Variants in FHIT observed in about 807,000 individuals in gnomAD.
The protein encoded by FHIT is fragile histidine triad diadenosine triphosphatase.
FHIT carries 19 observed loss-of-function variants against 17.9 expected under a neutral mutation model. That is an observed-to-expected ratio of 1.06 (90% confidence interval 0.74 to 1.56). FHIT has a LOEUF of 1.56. Ranked by LOEUF, FHIT falls within the 40% of genes most tolerant of loss-of-function variation. FHIT has a pLI of 0.00. For missense variants in FHIT, 248 were observed against 189.2 expected (o/e 1.31, Z -1.82); for synonymous variants, 81 against 69.7 (o/e 1.16, Z -0.81).
chr3:60,376,747 T>C (rs1700577161), intron 5 of FHIT, among the ~76,000 whole-genome samples: 1 of 152,220 alleles, frequency 6.6e-6, no homozygotes, highest in Non-Finnish European at 1.5e-5. Flanking sequence ...TATTACCTTT[T>C]CCAGGGACAA....
chr3:60,866,620 T>C (rs797025087), intron 3 of FHIT, among the ~76,000 whole-genome samples: 12 of 152,316 alleles, frequency 7.9e-5, no homozygotes, highest in African/African-American at 2.6e-4. Flanking sequence ...TAACATGAGA[T>C]AGTAAATGTT....
chr3:61,054,765 T>G (rs1173705105), intron 2 of FHIT, among the ~76,000 whole-genome samples: 1 of 152,178 alleles, frequency 6.6e-6, no homozygotes, highest in East Asian at 1.9e-4. Flanking sequence ...CTCTTCCATG[T>G]ACCTAAGAAT....
intron 2 of FHIT, among the ~76,000 whole-genome samples, chr3:61,174,976 A>C (rs1395563418): frequency 6.6e-6 from 1 of 152,014 alleles, no homozygotes; most frequent in East Asian, 1.9e-4. Flanking sequence ...CACAAAGCAC[A>C]TCTTCCTATG....
At chr3:61,079,950 G>A (rs11711708) in intron 2 of FHIT, among the ~76,000 whole-genome samples, 52,914 of 151,934 alleles carry the variant, frequency 0.35, 11,625 homozygotes, top group Non-Finnish European at 0.49. Flanking sequence ...AATGGAACAT[G>A]TCCTATATAT....
intron 5 of FHIT, among the ~76,000 whole-genome samples, chr3:60,447,637 G>T (rs1253777800): frequency 1.3e-5 from 2 of 152,104 alleles, no homozygotes; most frequent in Non-Finnish European, 2.9e-5. Flanking sequence ...ACACTAGGCA[G>T]AGGAATAGTT....
At chr3:60,533,046 T>A (rs577223424) in intron 5 of FHIT, among the ~76,000 whole-genome samples, 4 of 152,298 alleles carry the variant, frequency 2.6e-5, no homozygotes, top group African/African-American at 9.6e-5. Context: ...CACAGATTGG[T>A]CCATTCACAA....
intron 5 of FHIT, among the ~76,000 whole-genome samples, chr3:60,172,938 G>A (rs1701484812): frequency 6.6e-6 from 1 of 152,136 alleles, no homozygotes; most frequent in South Asian, 2.1e-4. Flanking sequence ...TATTCTGCTT[G>A]CTTCACCTAC....
At chr3:60,069,060 T>A (rs933529690) in intron 5 of FHIT, among the ~76,000 whole-genome samples, 3 of 152,036 alleles carry the variant, frequency 2.0e-5, no homozygotes, top group Non-Finnish European at 2.9e-5. Context: ...CAAAACATAC[T>A]CTGAAAGACA....
At chr3:60,026,544 T>C (rs933196730) in intron 5 of FHIT, among the ~76,000 whole-genome samples, 2 of 152,188 alleles carry the variant, frequency 1.3e-5, no homozygotes, top group African/African-American at 4.8e-5. Flanking sequence ...TTCCCCCTCA[T>C]AATGTAAGCA....
chr3:60,257,015 C>A (rs1706032985), intron 5 of FHIT, among the ~76,000 whole-genome samples: 1 of 152,144 alleles, frequency 6.6e-6, no homozygotes, highest in South Asian at 2.1e-4. Context: ...CTGTTTGATA[C>A]AGGTTTACTT....
At chr3:59,951,451 TA>T (rs1707112702) in intron 7 of FHIT, among the ~76,000 whole-genome samples, 1 of 152,208 alleles carries the variant, frequency 6.6e-6, no homozygotes, top group African/African-American at 2.4e-5. Flanking sequence ...GGTATAAAAC[TA>T]TCTTCTAGCA....
chr3:60,061,368 A>T (rs534241092), intron 5 of FHIT, among the ~76,000 whole-genome samples: 1 of 152,302 alleles, frequency 6.6e-6, no homozygotes, highest in Admixed American at 6.5e-5. Context: ...CAGAAGCCCT[A>T]CAGTTTCCTC....
intron 7 of FHIT, among the ~76,000 whole-genome samples, chr3:59,976,204 A>G (rs944729030): frequency 6.6e-6 from 1 of 152,126 alleles, no homozygotes; most frequent in Non-Finnish European, 1.5e-5. Context: ...TCACATAAAC[A>G]GAAGTAGCAT....
chr3:60,311,404 C>G (rs1194821700), intron 5 of FHIT, among the ~76,000 whole-genome samples: 2 of 152,118 alleles, frequency 1.3e-5, no homozygotes, highest in African/African-American at 2.4e-5. Context: ...TCAGGAGACA[C>G]ACACATATCT....
intron 3 of FHIT, among the ~76,000 whole-genome samples, chr3:60,980,116 C>T (rs1302015505): frequency 3.3e-5 from 5 of 152,202 alleles, no homozygotes; most frequent in African/African-American, 9.6e-5. Flanking sequence ...CTTATCCCTA[C>T]TTTCCACATT....
At chr3:60,840,938 A>G (rs1553744928) in intron 3 of FHIT, among the ~76,000 whole-genome samples, 1 of 152,220 alleles carries the variant, frequency 6.6e-6, no homozygotes, top group Non-Finnish European at 1.5e-5. Flanking sequence ...AGTTAGTATC[A>G]TCTTATCATG....
chr3:61,147,837 A>G (rs1381598932), intron 2 of FHIT, among the ~76,000 whole-genome samples: 1 of 152,016 alleles, frequency 6.6e-6, no homozygotes, highest in African/African-American at 2.4e-5. Context: ...ACCCTTGGAA[A>G]AAACTACAAA....
At chr3:60,927,729 G>GAGGAGTGTCTCTGCCT (rs1707715174) in intron 3 of FHIT, among the ~76,000 whole-genome samples, 3 of 151,802 alleles carry the variant, frequency 2.0e-5, no homozygotes, top group Non-Finnish European at 4.4e-5. Flanking sequence ...TCTGTGAGGT[G>GAGGAGTGTCTCTGCCT]GGCGTGCCCC....
At chr3:61,245,762 T>C (rs2040474346) in intron 1 of FHIT, among the ~76,000 whole-genome samples, 1 of 152,214 alleles carries the variant, frequency 6.6e-6, no homozygotes, top group Non-Finnish European at 1.5e-5. Flanking sequence ...GTATCCCATG[T>C]GGAATGGCTA....
Sources: allele counts gnomAD v4.1 joint callset (sites outside exome capture counted in the v4.1 genomes callset), GRCh38; gene constraint gnomAD v4.1.1; transcripts MANE v1.5; gene names NCBI Gene and HGNC (gene_info 2026-07-23, HGNC 2026-07-21).